The following SERAC1 variants were observed in gnomAD, a reference collection of about 807,000 sequenced individuals.
SERAC1 encodes the protein protein SERAC1.
A neutral mutation model predicts 85.7 loss-of-function variants in SERAC1; 36 were observed. That is an observed-to-expected ratio of 0.42 (90% CI 0.32 to 0.55). The LOEUF is 0.55. Among genes scored for constraint, SERAC1 ranks in the 20% least tolerant of loss-of-function variants. The pLI is 0.11. For synonymous variants in SERAC1, 242 were observed against 265.3 expected (o/e 0.91, Z 0.85); for missense variants, 629 against 796.2 (o/e 0.79, Z 2.53).
At chr6:158,142,157 T>C (rs1218090042) in intron 8 of SERAC1, among the ~76,000 whole-genome samples, 1 of 152,000 alleles carries the variant, frequency 6.6e-6, no homozygotes, top group African/African-American at 2.4e-5. Flanking sequence ...AGCCTTTTAC[T>C]TTTTCTTTTC....
intron 8 of SERAC1, among the ~76,000 whole-genome samples, chr6:158,138,042 T>C (rs1341676140): frequency 1.3e-5 from 2 of 152,098 alleles, no homozygotes; most frequent in Non-Finnish European, 2.9e-5. Context: ...ACACATGATA[T>C]GTTAACTATG....
At chr6:158,158,159 AC>A in intron 2 of SERAC1, 113 bp downstream of exon 2, 1 of 705,558 alleles carries the variant, frequency 1.4e-6, no homozygotes. Context: ...AAAGACATAA[AC>A]AAATTTGAGA....
intron 9 of SERAC1, among the ~76,000 whole-genome samples, chr6:158,129,760 A>C (rs1249994690): frequency 6.6e-6 from 1 of 150,712 alleles, no homozygotes; most frequent in Non-Finnish European, 1.5e-5. Flanking sequence ...GCAGTGGCAC[A>C]ATCTCAGTTC....
chr6:158,166,361 T>C (rs1160817295), intron 1 of SERAC1, among the ~76,000 whole-genome samples: 1 of 152,330 alleles, frequency 6.6e-6, no homozygotes, highest in Non-Finnish European at 1.5e-5. Flanking sequence ...TGAATCTAAT[T>C]CTCTATCCCT....
intron 8 of SERAC1, 97 bp from the exon 9 acceptor site, chr6:158,130,583 G>T: frequency 1.4e-6 from 1 of 703,636 alleles, no homozygotes; most frequent in Non-Finnish European, 2.4e-6. Context: ...GATGGTGTTA[G>T]AAAATACTAA....
At chr6:158,130,959 ATTC>A (rs1450810422) in intron 8 of SERAC1, among the ~76,000 whole-genome samples, 2 of 152,246 alleles carry the variant, frequency 1.3e-5, no homozygotes, top group South Asian at 2.1e-4. Flanking sequence ...AGAGCTTTCA[ATTC>A]TTCTTAAGTT....
intron 16 of SERAC1, 106 bp downstream of exon 16, chr6:158,113,343 A>G (rs993980314): frequency 1.1e-6 from 1 of 875,992 alleles, no homozygotes; most frequent in Non-Finnish European, 1.8e-6. Flanking sequence ...ACCTTCATAA[A>G]CTATCTCTTA....
At chr6:158,127,312 C>T (rs1433194459) in intron 10 of SERAC1, among the ~76,000 whole-genome samples, 1 of 3,056 alleles carries the variant, frequency 3.3e-4, no homozygotes, top group Non-Finnish European at 6.8e-4. Flanking sequence ...TGCCCGGCCG[C>T]CCCTACTGGG....
intron 8 of SERAC1, among the ~76,000 whole-genome samples, chr6:158,131,949 T>TA (rs1264008620): frequency 6.6e-6 from 1 of 152,128 alleles, no homozygotes; most frequent in African/African-American, 2.4e-5. Flanking sequence ...CAATAATCCT[T>TA]AAGTGAGAAA....
intron 5 of SERAC1, 122 bp from the exon 6 acceptor site, chr6:158,147,035 G>A (rs1785078217): frequency 1.1e-6 from 1 of 925,238 alleles, no homozygotes; most frequent in Non-Finnish European, 1.6e-6. Flanking sequence ...CATATATATA[G>A]GTATTGATAA....
In SERAC1 at chr6:158,148,901, C is replaced by G. The variant is rs765155653; in HGVS notation, c.319G>C (p.Ala107Pro). 1 of 1,612,810 alleles carries G rather than the reference C, an allele frequency of 6.2e-7. No individual in the cohort carries two copies. Among genetic ancestry groups the G allele is most frequent in the Admixed American group, 1.7e-5 (1 of 59,864 alleles). ...TTCCGCAGTATCTTGGCTGATGTTG[C>G]CAATACTTTTCTTACTGCTTTGTGA... is the stretch of plus-strand genomic sequence containing the variant. ...ELHKAVRKVLATSAKILRNPF... is the reference protein window; with the variant it reads ...ELHKAVRKVLPTSAKILRNPF... The change falls in exon 5 of 17, where the codon GCA (alanine) becomes CCA (proline). Residue 107 changes from alanine (A) to proline (P), a missense_variant. Ala to Pro is a conservative substitution (Grantham distance 27, BLOSUM62 -1). Coordinates refer to ENST00000647468, the MANE Select transcript of SERAC1 (RefSeq NM_032861.4).
chr6:158,123,455 G>A (rs953807681), intron 10 of SERAC1, among the ~76,000 whole-genome samples: 15 of 152,210 alleles, frequency 9.9e-5, no homozygotes, highest in Non-Finnish European at 4.4e-5. Context: ...GGCTTCAATT[G>A]TCTCAGTAAA....
intron 9 of SERAC1, among the ~76,000 whole-genome samples, chr6:158,129,988 G>A (rs1293669209): frequency 1.3e-5 from 2 of 152,098 alleles, no homozygotes; most frequent in Non-Finnish European, 2.9e-5. Flanking sequence ...GAGCCACCGC[G>A]CCCAGCCTGT....
In SERAC1 at chr6:158,152,954, C is replaced by T. The variant is rs1009347287; in HGVS notation, c.128+2361G>A. The T allele has an allele frequency of 5.9e-5, 9 of 152,210 alleles. 1 individual carries two copies. Among genetic ancestry groups the T allele is most frequent in the African/African-American group, 2.2e-4 (9 of 41,524 alleles). 9.4% of individuals were successfully genotyped at this position (152,210 alleles called of 1,614,324 possible). ...TTATTGACACATGACTGTATATATA[C>T]ATATACATGTATATACACATTTCGG... On this transcript the variant is annotated intron_variant, in intron 3 of 16. Coordinates refer to ENST00000647468, the MANE Select transcript of SERAC1 (RefSeq NM_032861.4).
chr6:158,128,304 A>G, intron 9 of SERAC1, 34 bp from the exon 10 acceptor site: 1 of 1,606,910 alleles, frequency 6.2e-7, no homozygotes, highest in Non-Finnish European at 8.5e-7. Flanking sequence ...CTCCCTTGAC[A>G]TTGTACAAAT....
rs574735577 is a variant in SERAC1, at chr6:158,111,274, T to A, written c.*92A>T. 8.4e-7 allele frequency: 1 copy of A among 1,187,314 alleles called. No individual in the cohort carries two copies. The allele number at this position is 1,187,314 out of a possible 1,614,324, so 73.5% of individuals were successfully genotyped here. On this transcript the variant is annotated 3_prime_UTR_variant, in exon 17 of 17. Transcript: ENST00000647468. ...GACCATGTTGACGCTATGATCACTA[T>A]GTTTGCATGATTGCATAGAGCTTAA...
chr6:158,119,250 G>A lies in SERAC1; in HGVS notation c.1167-80C>T. 6.8e-7 allele frequency: 1 copy of A among 1,471,308 alleles called. No individual in the cohort carries two copies. The highest frequency in any genetic ancestry group is 1.3e-5 in the South Asian group (1 of 75,726). The allele number at this position is 1,471,308 out of a possible 1,614,324, so 91.1% of individuals were successfully genotyped here. On this transcript the variant is annotated intron_variant, in intron 11 of 16. Coordinates refer to ENST00000647468, the MANE Select transcript of SERAC1 (RefSeq NM_032861.4). This position sits in a 1 kb window ranked among gnomAD's most constrained non-coding sequence, Gnocchi z 4.5. ...TAAGAATCTACACAGCATTCTCTGT[G>A]GATGGTGCTTTAGCAGGCTTATGTG...
chr6:158,141,492 A>G (rs1784914166), intron 8 of SERAC1, among the ~76,000 whole-genome samples: 1 of 152,254 alleles, frequency 6.6e-6, no homozygotes, highest in Admixed American at 6.5e-5. Flanking sequence ...AAGACCTTTT[A>G]AGAAAAAGGT....
At chr6:158,127,071 T>C (rs1784556125) in intron 10 of SERAC1, among the ~76,000 whole-genome samples, 1 of 151,128 alleles carries the variant, frequency 6.6e-6, no homozygotes, top group Non-Finnish European at 1.5e-5. Flanking sequence ...AAAAATTACA[T>C]AAATAATTAG....
Sources: gnomAD v4.1 joint callset for allele counts (sites outside exome capture counted in the v4.1 genomes callset) on GRCh38, gnomAD v4.1.1 for gene constraint, Gnocchi (gnomAD v3.1) non-coding constraint, MANE v1.5 for transcripts, NCBI Gene and HGNC (gene_info 2026-07-23, HGNC 2026-07-21) for gene names.